EML1: variants seen among roughly 807,000 people sequenced by gnomAD.
The protein encoded by EML1 is echinoderm microtubule-associated protein-like 1.
In EML1, 27 loss-of-function variants were observed where a neutral mutation model predicts 110.4. That is an observed-to-expected ratio of 0.24 (90% CI 0.18 to 0.34). The LOEUF (loss-of-function observed/expected upper bound fraction) is 0.34. Among genes scored for constraint, EML1 ranks in the 10% least tolerant of loss-of-function variants. The probability of loss-of-function intolerance (pLI) is 1.00; values close to 1 mark genes in which losing one functional copy is unlikely to be tolerated. For synonymous variants in EML1, 344 were observed against 385.8 expected, an observed-to-expected ratio of 0.89 and a Z score of 1.27; for missense variants, 741 against 1,030.9, an observed-to-expected ratio of 0.72 and a Z score of 3.85.
At chr14:99,757,443 G>A (rs572871685) in intron 1 of EML1, among the ~76,000 whole-genome samples, 6 of 152,002 alleles carry the variant, frequency 3.9e-5, no homozygotes, top group African/African-American at 1.2e-4. Context: ...GCATACAGTC[G>A]CGCATACCGC....
intron 1 of EML1, among the ~76,000 whole-genome samples, chr14:99,796,303 T>C (rs12891722): frequency 6.6e-6 from 1 of 152,108 alleles, no homozygotes; most frequent in Non-Finnish European, 1.5e-5. Context: ...TCTTCTCTTA[T>C]ACTTCTTTCT....
At chr14:99,770,861 T>C (rs2057420468), upstream of EML1, among the ~76,000 whole-genome samples, 1 of 142,814 alleles carries the variant, frequency 7.0e-6, no homozygotes, top group Non-Finnish European at 1.5e-5. Context: ...CTCGGCTCAG[T>C]GCAAGCTCCG....
chr14:99,893,510 T>C lies in EML1; in HGVS notation c.548-1119T>C, dbSNP rs541177780. The stretch of plus-strand genomic sequence containing the variant: ...GAAGAGTGTGTCACGTGCATGCATT[T>C]AAGACCTGAAGCGCATACACACAAT... On this transcript the variant is annotated intron_variant, in intron 5 of 21. Coordinates refer to ENST00000262233, the MANE Select transcript of EML1 (RefSeq NM_004434.3). Among the ~76,000 whole-genome samples the C allele has an allele frequency of 3.3e-5, 5 of 152,282 alleles. No individual in the cohort carries two copies. In the South Asian group the frequency reaches 1.0e-3, roughly 32 times the overall value.
chr14:99,757,726 A>G (rs545829415), intron 1 of EML1, among the ~76,000 whole-genome samples: 3 of 152,314 alleles, frequency 2.0e-5, no homozygotes, highest in Admixed American at 1.3e-4. Context: ...GAAAACTTTT[A>G]AGCTCCCCTC....
chr14:99,907,865 CGTT>C, intron 10 of EML1, 132 bp downstream of exon 10: 1 of 740,518 alleles, frequency 1.4e-6, no homozygotes, highest in Non-Finnish European at 2.2e-6. Context: ...ACCTTAGAAT[CGTT>C]TGGCCCCGAT....
chr14:99,929,758 A>G lies in EML1; in HGVS notation c.1910-6271A>G, dbSNP rs578031391. Among the ~76,000 whole-genome samples the G allele has an allele frequency of 9.2e-5, 14 of 152,342 alleles. No homozygotes were observed. In the East Asian group the frequency reaches 2.7e-3, roughly 29 times the overall value. ...TGCCCAAACACAGATTGTCATTGACATGGAATTTCAGAAACCTGCTGCCAA... is the reference window on the plus strand; with the variant it reads ...TGCCCAAACACAGATTGTCATTGACGTGGAATTTCAGAAACCTGCTGCCAA... On this transcript the variant is annotated intron_variant, in intron 17 of 21. Coordinates refer to ENST00000262233, the MANE Select transcript of EML1 (RefSeq NM_004434.3).
intron 1 of EML1, among the ~76,000 whole-genome samples, chr14:99,815,139 CTTT>C (rs57894783): frequency 0.025 from 2,401 of 96,412 alleles, 42 homozygotes; most frequent in African/African-American, 0.098. Context: ...TGAGGCTTGG[CTTT>C]TTTTTTTTTT....
chr14:99,797,154 C>T (rs2057791837), intron 1 of EML1, among the ~76,000 whole-genome samples: 2 of 152,092 alleles, frequency 1.3e-5, no homozygotes, highest in Non-Finnish European at 2.9e-5. Flanking sequence ...AATCTACTTT[C>T]TGTCTTTATA....
chr14:99,921,430 A>G (rs568070131), intron 17 of EML1, among the ~76,000 whole-genome samples: 7 of 152,326 alleles, frequency 4.6e-5, no homozygotes, highest in African/African-American at 1.2e-4. Flanking sequence ...AAATTTCACA[A>G]GCCTCCTCAG....
At chr14:99,900,467 G>C (rs189726837) in intron 8 of EML1, among the ~76,000 whole-genome samples, 1 of 152,118 alleles carries the variant, frequency 6.6e-6, no homozygotes, top group Admixed American at 6.5e-5. Flanking sequence ...GATTACAGGC[G>C]TGAGCCACCA....
intron 1 of EML1, among the ~76,000 whole-genome samples, chr14:99,779,192 C>T (rs566406836): frequency 2.0e-5 from 3 of 152,194 alleles, no homozygotes; most frequent in Non-Finnish European, 4.4e-5. Flanking sequence ...TATGATATCC[C>T]ATTTTTTTCC....
chr14:99,911,693 A>G (rs2059949110), intron 13 of EML1, 117 bp downstream of exon 13: 1 of 1,097,030 alleles, frequency 9.1e-7, no homozygotes, highest in African/African-American at 1.6e-5. Flanking sequence ...AAATCACATT[A>G]TATGGGAGCA....
At chr14:99,790,674 T>G (rs1321903151), upstream of EML1, among the ~76,000 whole-genome samples, 1 of 152,110 alleles carries the variant, frequency 6.6e-6, no homozygotes, top group Non-Finnish European at 1.5e-5. Flanking sequence ...ATGAGGAAGA[T>G]GAAATGTGCA....
intron 1 of EML1, among the ~76,000 whole-genome samples, chr14:99,767,784 G>C (rs1356132350): frequency 6.6e-6 from 1 of 152,096 alleles, no homozygotes; most frequent in African/African-American, 2.4e-5. Context: ...TTGCATTACT[G>C]TTGGCTGCTT....
chr14:99,767,341 C>G (rs766754306), intron 1 of EML1, among the ~76,000 whole-genome samples: 1 of 152,206 alleles, frequency 6.6e-6, no homozygotes, highest in Non-Finnish European at 1.5e-5. Flanking sequence ...CGGTGGCTCA[C>G]GCCTGTAATC....
intron 4 of EML1, among the ~76,000 whole-genome samples, chr14:99,889,916 G>A (rs1357940022): frequency 6.6e-6 from 1 of 152,192 alleles, no homozygotes; most frequent in Admixed American, 6.5e-5. Context: ...TTTGAACAGA[G>A]TAAAACACTT....
At chr14:99,897,000 G>T in intron 6 of EML1, 145 bp from the exon 7 acceptor site, 1 of 677,978 alleles carries the variant, frequency 1.5e-6, no homozygotes, top group Non-Finnish European at 2.2e-6. Context: ...TATTTGTCAT[G>T]GAATATTTGC....
rs537341625 is a variant in EML1, at chr14:99,901,877, T to C, written c.1008+838T>C. On this transcript the variant is annotated intron_variant, in intron 9 of 21. Transcript: ENST00000262233. ...GAATGCAGCCCAGTAGGTCTCAGCC[T>C]CATTTTCCCCAGCCCCTATTCAAGT... 3.3e-5 allele frequency among the ~76,000 whole-genome samples: 5 copies of C among 152,294 alleles called. No individual in the cohort carries two copies. In the South Asian group the frequency reaches 1.0e-3, roughly 32 times the overall value.
intron 1 of EML1, among the ~76,000 whole-genome samples, chr14:99,766,807 T>C (rs1189788528): frequency 6.6e-6 from 1 of 152,214 alleles, no homozygotes; most frequent in African/African-American, 2.4e-5. Context: ...CAAGCAGCAA[T>C]CATGGTAATA....
Sources: allele counts gnomAD v4.1 joint callset (sites outside exome capture counted in the v4.1 genomes callset), GRCh38; gene constraint gnomAD v4.1.1; transcripts MANE v1.5; gene names NCBI Gene and HGNC (gene_info 2026-07-23, HGNC 2026-07-21).